P2RX5: variants seen among roughly 807,000 people sequenced by gnomAD.
The protein encoded by P2RX5 is P2X purinoceptor 5.
P2RX5 carries 46 observed loss-of-function variants against 54.1 expected under a neutral mutation model. The observed-to-expected ratio is 0.85, with a 90% CI of 0.67 to 1.09. The LOEUF is 1.09. P2RX5 is among the 50% of genes least tolerant of loss of function. The pLI is 0.00. For synonymous variants in P2RX5, 226 were observed against 226.4 expected (o/e 1.00, Z 0.02); for missense variants, 566 against 549.8 (o/e 1.03, Z -0.29).
chr17:3,695,916 G>A lies in P2RX5; in HGVS notation c.90C>T (p.Gly30=). ...AGGCCTGCAGCAGCCGGTACAGCAGGCCCACCTTCTTGTTCTTGGCGATGA... is the reference window on the plus strand; with the variant it reads ...AGGCCTGCAGCAGCCGGTACAGCAGACCCACCTTCTTGTTCTTGGCGATGA... The part of the protein sequence containing the change: ...KYVIAKNKKV[G]LLYRLLQASI... Residue 30 remains glycine, a synonymous_variant, in exon 1 of 12, where the codon GGC becomes GGT. Transcript: ENST00000225328. The A allele has an allele frequency of 1.9e-6, 3 of 1,614,150 alleles. No homozygotes were observed. The highest frequency in any genetic ancestry group is 8.5e-7 in the Non-Finnish European group (1 of 1,179,990).
chr17:3,688,857 T>G, intron 7 of P2RX5, 98 bp from the exon 8 acceptor site: 3 of 1,397,344 alleles, frequency 2.1e-6, no homozygotes, highest in Non-Finnish European at 3.0e-6. Flanking sequence ...TAGGAGGAGG[T>G]GCTCAGGCAC....
the P2RX5 span, chr17:3,720,470 A>C: frequency 1.3e-6 from 1 of 747,136 alleles, no homozygotes; most frequent in Non-Finnish European, 2.4e-6. Flanking sequence ...GTGTTTGAAC[A>C]GCCTTCACCA....
the P2RX5 span, among the ~76,000 whole-genome samples, chr17:3,723,125 C>T: frequency 2.0e-5 from 3 of 152,198 alleles, no homozygotes; most frequent in African/African-American, 7.2e-5. Context: ...TATCTCCCTC[C>T]TGAGGGTAGC....
At chr17:3,699,870 AAAGAAAGGAAGGAAGGAAGG>A (rs1397879928), upstream of P2RX5, among the ~76,000 whole-genome samples, 15 of 27,150 alleles carry the variant, frequency 5.5e-4, 3 homozygotes, top group South Asian at 0.027. Flanking sequence ...AGAAAGAAAG[AAAGAAAGGAAGGAAGGAAGG>A]AAGGAAGGAA....
At chr17:3,713,049 TTTTCACACAG>T in the P2RX5 span, among the ~76,000 whole-genome samples, 1 of 152,126 alleles carries the variant, frequency 6.6e-6, no homozygotes, top group Non-Finnish European at 1.5e-5. Flanking sequence ...AAAAACGGTA[TTTTCACACAG>T]TAGCAACAAA....
intron 9 of P2RX5, among the ~76,000 whole-genome samples, chr17:3,683,860 T>C (rs938088344): frequency 6.6e-6 from 1 of 152,220 alleles, no homozygotes; most frequent in Non-Finnish European, 1.5e-5. Context: ...TCACTTTTCT[T>C]GACCCCCTCC....
the P2RX5 span, chr17:3,723,515 C>G: frequency 1.0e-6 from 1 of 992,344 alleles, no homozygotes; most frequent in Non-Finnish European, 1.6e-6. Context: ...CTCACCTCGG[C>G]CCAAGCGAAG....
the P2RX5 span, among the ~76,000 whole-genome samples, chr17:3,701,590 G>A: frequency 6.6e-6 from 1 of 151,476 alleles, no homozygotes; most frequent in Non-Finnish European, 1.5e-5. Context: ...TACTTGGGAG[G>A]CTGAGGCAGG....
intron 10 of P2RX5, among the ~76,000 whole-genome samples, chr17:3,680,455 G>A (rs1200004009): frequency 4.2e-4 from 25 of 60,008 alleles, no homozygotes; most frequent in South Asian, 1.9e-3. Flanking sequence ...TCCACCCTGA[G>A]TCCTCCACCC....
At chr17:3,702,525 A>G in the P2RX5 span, among the ~76,000 whole-genome samples, 2 of 151,858 alleles carry the variant, frequency 1.3e-5, no homozygotes, top group Admixed American at 6.6e-5. Context: ...CTTCACAATA[A>G]ATCTTGCTGC....
intron 11 of P2RX5, chr17:3,676,923 A>C (rs1408489354): frequency 4.1e-6 from 1 of 243,854 alleles, no homozygotes; most frequent in Non-Finnish European, 6.6e-6. Flanking sequence ...TTAGCCGGGC[A>C]TGGTGGTGGG....
In P2RX5 at chr17:3,673,724, T is replaced by A. The variant is rs2050034579; in HGVS notation, c.*144A>T. 5.6e-6 allele frequency: 9 copies of A among 1,597,140 alleles called. No individual in the cohort carries two copies. Among genetic ancestry groups the A allele is most frequent in the Non-Finnish European group, 7.7e-6 (9 of 1,172,568 alleles). On this transcript the variant is annotated 3_prime_UTR_variant, in exon 12 of 12. Coordinates refer to ENST00000225328, the MANE Select transcript of P2RX5 (RefSeq NM_002561.4). ...ACGTGGAGGTCACTTTGCTCTGTGA[T>A]GGCTGGTCCCTGTGATGTGGCATTG...
Position 3,696,045 on chromosome 17 carries a change from G to C in P2RX5, c.-40C>G. On this transcript the variant is annotated 5_prime_UTR_variant, in exon 1 of 12. Transcript: ENST00000225328. ...CGGGCTTGCGGACCGCCCGGCCCAC[G>C]TGCGCTCATGGGGAGCACTCGGTCC... 1.2e-6 allele frequency: 2 copies of C among 1,609,874 alleles called. No homozygotes were observed. Among genetic ancestry groups the C allele is most frequent in the Non-Finnish European group, 1.7e-6 (2 of 1,177,882 alleles).
At chr17:3,679,280 C>T (rs562527526) in intron 11 of P2RX5, among the ~76,000 whole-genome samples, 68 of 152,298 alleles carry the variant, frequency 4.5e-4, no homozygotes, top group Middle Eastern at 3.4e-3. Flanking sequence ...TTAACAAATA[C>T]GGAGAGTACA....
Position 3,690,407 on chromosome 17 carries a change from C to G in P2RX5, c.533+20G>C, listed in dbSNP as rs1417316376. 3 of 1,585,310 alleles carry G rather than the reference C, an allele frequency of 1.9e-6. No homozygotes were observed. The highest frequency in any genetic ancestry group is 2.6e-6 in the Non-Finnish European group (3 of 1,160,538). On this transcript the variant is annotated intron_variant, in intron 5 of 11. Transcript: ENST00000225328. ...CGGGGCTGGGAAACCCCTCAGGGTC[C>G]TGAGGCTGCAGCCACTCACTCCGGC...
intron 10 of P2RX5, among the ~76,000 whole-genome samples, chr17:3,681,194 A>G (rs170313): frequency 0.62 from 94,412 of 152,064 alleles, 30,934 homozygotes; most frequent in East Asian, 0.83. Context: ...GGTTCAGGCC[A>G]TAGCTGGAGT....
the P2RX5 span, among the ~76,000 whole-genome samples, chr17:3,705,759 T>C: frequency 1.3e-5 from 2 of 152,174 alleles, no homozygotes; most frequent in South Asian, 4.1e-4. Flanking sequence ...GTAGAGTGAC[T>C]AAGTGACTTT....
intron 6 of P2RX5, among the ~76,000 whole-genome samples, 195 bp downstream of exon 6, chr17:3,689,873 AAC>A (rs768335846): frequency 6.6e-6 from 1 of 151,104 alleles, no homozygotes; most frequent in African/African-American, 2.4e-5. Context: ...CACACACGCG[AAC>A]ACACGCACAC....
At chr17:3,720,327 C>T in the P2RX5 span, 1 of 1,576,252 alleles carries the variant, frequency 6.3e-7, no homozygotes, top group Non-Finnish European at 8.7e-7. Context: ...TGGTTCTCTG[C>T]ATTCAGTCCC....
Sources: allele counts gnomAD v4.1 joint callset (sites outside exome capture counted in the v4.1 genomes callset), GRCh38; gene constraint gnomAD v4.1.1; transcripts MANE v1.5; gene names NCBI Gene and HGNC (gene_info 2026-07-23, HGNC 2026-07-21).